EYS: variants seen among roughly 807,000 people sequenced by gnomAD.
EYS encodes protein eyes shut homolog.
Under a neutral mutation model 282.1 loss-of-function variants are expected in EYS, and 250 were observed. That is an observed-to-expected ratio of 0.89 (90% CI 0.80 to 0.98). The LOEUF (loss-of-function observed/expected upper bound fraction) is 0.98, where lower values mean the gene tolerates loss of function less well. Ranked by LOEUF, EYS falls within the 50% of genes least tolerant of loss-of-function variation. EYS has a pLI of 0.00. For synonymous variants in EYS, 1,355 were observed against 1,282.9 expected (o/e 1.06, Z -1.20); for missense variants, 4,016 against 3,709.0 (o/e 1.08, Z -2.15).
Position 65,599,068 on chromosome 6 carries a change from C to T in EYS, c.-333+40710G>A, listed in dbSNP as rs149691661. Among the ~76,000 whole-genome samples, 117 of 152,134 alleles carry T rather than the reference C, an allele frequency of 7.7e-4. No homozygotes were observed. In the East Asian group the frequency reaches 0.019, roughly 25 times the overall value. On this transcript the variant is annotated intron_variant, in intron 2 of 42. Coordinates refer to ENST00000503581, the MANE Select transcript of EYS (RefSeq NM_001142800.2). ...CCGCATATACCAAAATCCATGCATA[C>T]TCAAGTCCCGCAGTCAGCCTTGTGG...
At chr6:65,326,927 T>C (rs1769638427) in intron 11 of EYS, among the ~76,000 whole-genome samples, 1 of 151,682 alleles carries the variant, frequency 6.6e-6, no homozygotes, top group South Asian at 2.1e-4. Flanking sequence ...ATTTTATTTC[T>C]AATAAGTTTT....
intron 12 of EYS, among the ~76,000 whole-genome samples, chr6:65,152,318 C>T (rs193106770): frequency 1.4e-4 from 22 of 152,038 alleles, no homozygotes; most frequent in African/African-American, 5.3e-4. Flanking sequence ...TTGTCCACCA[C>T]CCTAAAGATC....
chr6:65,404,016 G>C (rs1177540984), intron 6 of EYS, among the ~76,000 whole-genome samples: 2 of 152,026 alleles, frequency 1.3e-5, no homozygotes, highest in Admixed American at 6.6e-5. Context: ...CATTATCTTA[G>C]AGTTCCAGAG....
At chr6:64,636,287 A>T (rs1340821408) in intron 22 of EYS, among the ~76,000 whole-genome samples, 1 of 152,336 alleles carries the variant, frequency 6.6e-6, no homozygotes, top group African/African-American at 2.4e-5. Flanking sequence ...ATAATGCCAC[A>T]TATCTACAAC....
intron 26 of EYS, among the ~76,000 whole-genome samples, chr6:64,449,901 C>T (rs113484208): frequency 0.022 from 3,330 of 152,222 alleles, 138 homozygotes; most frequent in African/African-American, 0.075. Flanking sequence ...ACTGCAGAAA[C>T]ATGCCAAATT....
At chr6:64,421,440 G>A (rs1218978826) in intron 28 of EYS, among the ~76,000 whole-genome samples, 1 of 152,092 alleles carries the variant, frequency 6.6e-6, no homozygotes, top group Admixed American at 6.5e-5. Context: ...TATGGTTGAA[G>A]GGGAGGGCAA....
chr6:64,730,786 A>G (rs962755660), intron 22 of EYS: 2 of 152,146 alleles, frequency 1.3e-5, no homozygotes, highest in African/African-American at 4.8e-5. Flanking sequence ...TGTATCAATA[A>G]CAAAGATGAT....
intron 7 of EYS, among the ~76,000 whole-genome samples, chr6:65,392,403 A>T (rs1582231617): frequency 6.6e-6 from 1 of 152,206 alleles, no homozygotes; most frequent in Non-Finnish European, 1.5e-5. Context: ...AATGGGAGAA[A>T]ATTTTCGCAA....
intron 1 of EYS, among the ~76,000 whole-genome samples, chr6:65,668,035 C>T (rs1360249408): frequency 6.6e-6 from 1 of 151,850 alleles, no homozygotes; most frequent in East Asian, 1.9e-4. Flanking sequence ...ATCAGTAGTA[C>T]ACAAAGCCAA....
intron 35 of EYS, among the ~76,000 whole-genome samples, chr6:63,962,906 A>T (rs1164469632): frequency 6.6e-6 from 1 of 152,196 alleles, no homozygotes; most frequent in African/African-American, 2.4e-5. Flanking sequence ...TGGCACATAT[A>T]CACCATGGAA....
rs895099529 is a variant in EYS, at chr6:64,130,016, TG to T, written c.6425-48015del. On this transcript the variant is annotated intron_variant, in intron 31 of 42. Transcript: ENST00000503581. ...CTCTGTTTTGGTACCAGTACCATGC[TG>T]TTTTGGTTACTGTAGCCTTGTAGTA... 1.3e-5 allele frequency among the ~76,000 whole-genome samples: 2 copies of T among 152,230 alleles called. 1 individual carries two copies. Among genetic ancestry groups the T allele is most frequent in the African/African-American group, 4.8e-5 (2 of 41,456 alleles).
intron 41 of EYS, among the ~76,000 whole-genome samples, chr6:63,760,877 C>G (rs1056869093): frequency 2.0e-5 from 3 of 151,844 alleles, no homozygotes; most frequent in African/African-American, 2.4e-5. Flanking sequence ...CTAGCCCTTA[C>G]GTTACTTGTC....
At chr6:64,768,452 A>C (rs906808535) in intron 22 of EYS, among the ~76,000 whole-genome samples, 1 of 152,172 alleles carries the variant, frequency 6.6e-6, no homozygotes, top group Non-Finnish European at 1.5e-5. Flanking sequence ...GTTGAATCAG[A>C]ATCTGATGGT....
intron 24 of EYS, among the ~76,000 whole-genome samples, chr6:64,608,122 A>G (rs1356943556): frequency 1.3e-5 from 2 of 152,132 alleles, no homozygotes; most frequent in Non-Finnish European, 2.9e-5. Context: ...CATTCAACAG[A>G]CTGTTCCACA....
intron 14 of EYS, among the ~76,000 whole-genome samples, chr6:64,986,630 C>CCAATTGT (rs1770869258): frequency 6.6e-6 from 1 of 151,124 alleles, no homozygotes; most frequent in African/African-American, 2.4e-5. Flanking sequence ...CTTCATTCAT[C>CCAATTGT]CAATTGTCTC....
chr6:65,187,750 G>A (rs554310644), intron 12 of EYS, among the ~76,000 whole-genome samples: 2 of 151,710 alleles, frequency 1.3e-5, no homozygotes, highest in African/African-American at 4.8e-5. Flanking sequence ...TTGAGAAAGC[G>A]TTTCATTCAA....
chr6:65,379,601 T>C (rs554496917), intron 8 of EYS, among the ~76,000 whole-genome samples: 1 of 152,108 alleles, frequency 6.6e-6, no homozygotes, highest in African/African-American at 2.4e-5. Flanking sequence ...AACATAATGT[T>C]GGAAGTTCTG....
chr6:65,181,844 G>A (rs1180117686), intron 12 of EYS, among the ~76,000 whole-genome samples: 1 of 152,078 alleles, frequency 6.6e-6, no homozygotes, highest in African/African-American at 2.4e-5. Context: ...TTAAGAAAAT[G>A]TGTCACATAT....
intron 26 of EYS, among the ~76,000 whole-genome samples, chr6:64,452,925 A>T (rs964032591): frequency 1.3e-5 from 2 of 152,202 alleles, no homozygotes; most frequent in Non-Finnish European, 2.9e-5. Context: ...AACCTAGGCA[A>T]TACCATTCAG....
Sources: gnomAD v4.1 joint callset for allele counts (sites outside exome capture counted in the v4.1 genomes callset) on GRCh38, gnomAD v4.1.1 for gene constraint, MANE v1.5 for transcripts, NCBI Gene and HGNC (gene_info 2026-07-23, HGNC 2026-07-21) for gene names.